SPRED1: variants seen among roughly 807,000 people sequenced by gnomAD.
The protein encoded by SPRED1 is sprouty related EVH1 domain containing 1, also known as sprouty-related, EVH1 domain-containing protein 1.
A neutral mutation model predicts 52.3 loss-of-function variants in SPRED1; 18 were observed. The observed-to-expected ratio is 0.34, with a 90% CI of 0.24 to 0.51. The LOEUF (loss-of-function observed/expected upper bound fraction) is 0.51, where lower values mean the gene tolerates loss of function less well. Ranked by LOEUF, SPRED1 falls within the 20% of genes least tolerant of loss-of-function variation. The pLI is 0.97. For synonymous variants in SPRED1, 155 were observed against 179.7 expected (o/e 0.86, Z 1.10); for missense variants, 485 against 551.0 (o/e 0.88, Z 1.20).
chr15:38,322,950 G>A (rs1895634298), intron 3 of SPRED1, among the ~76,000 whole-genome samples: 1 of 152,042 alleles, frequency 6.6e-6, no homozygotes, highest in African/African-American at 2.4e-5. Flanking sequence ...AAAGCATACA[G>A]GTTTTGAAGG....
chr15:38,295,792 CA>C (rs956896607), intron 1 of SPRED1, among the ~76,000 whole-genome samples: 14 of 152,162 alleles, frequency 9.2e-5, no homozygotes, highest in Non-Finnish European at 1.8e-4. Flanking sequence ...ATAAATATTA[CA>C]AAAACTTGCA....
At chr15:38,268,853 T>C (rs1045239262) in intron 1 of SPRED1, among the ~76,000 whole-genome samples, 10 of 152,204 alleles carry the variant, frequency 6.6e-5, no homozygotes, top group African/African-American at 2.4e-4. Flanking sequence ...GATTCCTATC[T>C]ACCTCAGTAC....
chr15:38,306,477 T>C (rs559218356), intron 2 of SPRED1, among the ~76,000 whole-genome samples: 2 of 152,300 alleles, frequency 1.3e-5, no homozygotes, highest in South Asian at 4.1e-4. Flanking sequence ...GGAATTGAGA[T>C]AAATGATAAT....
rs929392742 is a variant in SPRED1, at chr15:38,357,130, A to G, written c.*5466A>G. 7.2e-5 allele frequency: 11 copies of G among 152,210 alleles called. No individual in the cohort carries two copies. Among genetic ancestry groups the G allele is most frequent in the Non-Finnish European group, 1.5e-4 (10 of 68,022 alleles). 9.4% of individuals were successfully genotyped at this position (152,210 alleles called of 1,614,324 possible). Reference sequence around the variant, plus strand: ...CCTTAAAGAAAAAGACATCGACATCAATGGTATGAAAGCTGTAGTCACTCT... The same window carrying G: ...CCTTAAAGAAAAAGACATCGACATCGATGGTATGAAAGCTGTAGTCACTCT... On this transcript the variant is annotated 3_prime_UTR_variant, in exon 7 of 7. Coordinates refer to ENST00000299084, the MANE Select transcript of SPRED1 (RefSeq NM_152594.3).
chr15:38,292,100 T>A (rs1477260582), intron 1 of SPRED1, among the ~76,000 whole-genome samples: 1 of 152,182 alleles, frequency 6.6e-6, no homozygotes, highest in African/African-American at 2.4e-5. Flanking sequence ...CCAGATACCC[T>A]AAATCATCTC....
At chr15:38,304,526 C>T (rs1453210656) in intron 2 of SPRED1, among the ~76,000 whole-genome samples, 1 of 152,206 alleles carries the variant, frequency 6.6e-6, no homozygotes, top group African/African-American at 2.4e-5. Context: ...CTATCACCCA[C>T]ATATATAAAT....
intron 4 of SPRED1, among the ~76,000 whole-genome samples, chr15:38,335,710 G>A (rs1203760701): frequency 6.6e-6 from 1 of 151,764 alleles, no homozygotes; most frequent in Non-Finnish European, 1.5e-5. Flanking sequence ...ACTATTTTGA[G>A]GCCAGGAGTT....
At chr15:38,267,750 T>C (rs1382996688) in intron 1 of SPRED1, among the ~76,000 whole-genome samples, 1 of 152,218 alleles carries the variant, frequency 6.6e-6, no homozygotes, top group Non-Finnish European at 1.5e-5. Flanking sequence ...GTTAAATGAC[T>C]TGGCAAAGAT....
At chr15:38,311,981 T>A (rs1895377007) in intron 2 of SPRED1, among the ~76,000 whole-genome samples, 1 of 152,288 alleles carries the variant, frequency 6.6e-6, no homozygotes, top group Non-Finnish European at 1.5e-5. Flanking sequence ...ATTATTGATT[T>A]GAGATTTTTC....
intron 2 of SPRED1, among the ~76,000 whole-genome samples, chr15:38,299,877 C>A (rs1207830701): frequency 6.6e-6 from 1 of 152,120 alleles, no homozygotes; most frequent in East Asian, 1.9e-4. Flanking sequence ...AACTAATCCA[C>A]AGGCCAAATG....
At chr15:38,296,070 A>C (rs1252637305) in intron 1 of SPRED1, among the ~76,000 whole-genome samples, 1 of 152,118 alleles carries the variant, frequency 6.6e-6, no homozygotes, top group African/African-American at 2.4e-5. Context: ...AAGTGTTTTA[A>C]GCCTGGTTTT....
rs968982670 is a variant in SPRED1 at position 38,299,396 on chromosome 15, C to G, written c.56C>G (p.Ala19Gly). Residue 19 changes from alanine to glycine, a missense_variant, in exon 2 of 7, where the codon GCT (alanine) becomes GGT (glycine). Physicochemically the swap from Ala to Gly is moderately conservative, Grantham distance 60. Coordinates refer to ENST00000299084, the MANE Select transcript of SPRED1 (RefSeq NM_152594.3). The part of the protein sequence containing the change: ...DNDNSYARVR[A>G]VVMTRDDSSG... ...AGTAATAGTTATGCACGAGTGCGAG[C>G]TGTGGTGATGACCCGAGATGACTCA... 15 of 1,613,856 alleles carry G rather than the reference C, an allele frequency of 9.3e-6. No individual in the cohort carries two copies. Among genetic ancestry groups the G allele is most frequent in the Non-Finnish European group, 1.3e-5 (15 of 1,179,886 alleles).
chr15:38,285,496 T>C (rs1461659585), intron 1 of SPRED1, among the ~76,000 whole-genome samples: 1 of 152,140 alleles, frequency 6.6e-6, no homozygotes, highest in Non-Finnish European at 1.5e-5. Context: ...GGGAAGGGGT[T>C]TAGGTGGTGA....
Position 38,357,154 on chromosome 15 carries a change from C to A in SPRED1, c.*5490C>A, listed in dbSNP as rs1368333452. 1 of 152,198 alleles carries A rather than the reference C, an allele frequency of 6.6e-6. No individual in the cohort carries two copies. Among genetic ancestry groups the A allele is most frequent in the African/African-American group, 2.4e-5 (1 of 41,466 alleles). The allele number at this position is 152,198 out of a possible 1,614,324, so 9.4% of individuals were successfully genotyped here. ...CAATGGTATGAAAGCTGTAGTCACTCTTTAAATTGAACTGCTCTAAGATTT... is the reference window on the plus strand; with the variant it reads ...CAATGGTATGAAAGCTGTAGTCACTATTTAAATTGAACTGCTCTAAGATTT... On this transcript the variant is annotated 3_prime_UTR_variant, in exon 7 of 7. Transcript: ENST00000299084.
chr15:38,269,408 A>G (rs939566768), intron 1 of SPRED1, among the ~76,000 whole-genome samples: 9 of 151,978 alleles, frequency 5.9e-5, no homozygotes, highest in African/African-American at 2.2e-4. Context: ...ATGCCCAGTA[A>G]TTTTTAAATT....
intron 1 of SPRED1, among the ~76,000 whole-genome samples, chr15:38,275,097 T>C (rs1215054174): frequency 6.6e-6 from 1 of 152,254 alleles, no homozygotes; most frequent in Non-Finnish European, 1.5e-5. Flanking sequence ...ACAATTACTG[T>C]GATGTTTGCC....
intron 2 of SPRED1, among the ~76,000 whole-genome samples, chr15:38,315,186 AATT>A (rs1335967103): frequency 1.3e-5 from 2 of 151,928 alleles, no homozygotes; most frequent in Non-Finnish European, 2.9e-5. Flanking sequence ...CTGAATTTGG[AATT>A]ATTATTTTAA....
chr15:38,325,365 A>G (rs1895693718), intron 4 of SPRED1, among the ~76,000 whole-genome samples: 1 of 152,220 alleles, frequency 6.6e-6, no homozygotes. Context: ...TGCACATACA[A>G]ATATTCTGAA....
At chr15:38,273,414 G>C (rs1894480010) in intron 1 of SPRED1, among the ~76,000 whole-genome samples, 1 of 151,306 alleles carries the variant, frequency 6.6e-6, no homozygotes, top group African/African-American at 2.4e-5. Flanking sequence ...GTGTAAGAAG[G>C]GTTAAAGATT....
Sources: gnomAD v4.1 joint callset for allele counts (sites outside exome capture counted in the v4.1 genomes callset) on GRCh38, gnomAD v4.1.1 for gene constraint, MANE v1.5 for transcripts, NCBI Gene and HGNC (gene_info 2026-07-23, HGNC 2026-07-21) for gene names.